The following SLC8A3 variants were observed in gnomAD, a reference collection of about 807,000 sequenced individuals.
SLC8A3 encodes solute carrier family 8 member A3, also known as sodium/calcium exchanger 3.
SLC8A3 carries 37 observed loss-of-function variants against 65.4 expected under a neutral mutation model. The ratio of observed to expected loss-of-function variants is 0.57; its 90% CI spans 0.44 to 0.74. The LOEUF is 0.74. Among genes scored for constraint, SLC8A3 ranks in the 30% least tolerant of loss-of-function variants. The probability of loss-of-function intolerance (pLI) is 0.00; values close to 1 mark genes in which losing one functional copy is unlikely to be tolerated. For synonymous variants in SLC8A3, 461 were observed against 444.5 expected (o/e 1.04, Z -0.47); for missense variants, 1,112 against 1,172.1 (o/e 0.95, Z 0.75).
Position 70,052,061 on chromosome 14 carries a change from C to T in SLC8A3, c.1942G>A (p.Glu648Lys). 6.2e-7 allele frequency: 1 copy of T among 1,612,222 alleles called. No homozygotes were observed. The change falls in exon 4 of 7, where the codon GAG (glutamate) becomes AAG (lysine). Residue 648 changes from glutamate (E) to lysine (K), a missense_variant. Coordinates refer to ENST00000356921, the MANE Select transcript of SLC8A3 (RefSeq NM_182932.3). ...MEEEEAKRIA[E>K]MGKPVLGEHP... Reference sequence around the variant, plus strand: ...TCACCCAATACTGGCTTTCCCATCTCTGCTATCCTCTTGGCCTCCTCTTCT... The same window carrying T: ...TCACCCAATACTGGCTTTCCCATCTTTGCTATCCTCTTGGCCTCCTCTTCT...
intron 1 of SLC8A3, among the ~76,000 whole-genome samples, chr14:70,170,747 T>G (rs981089349): frequency 1.3e-4 from 20 of 152,162 alleles, no homozygotes; most frequent in African/African-American, 4.8e-4. Context: ...ATTGTCCCCA[T>G]GAAGACCTCC....
chr14:70,164,849 G>T (rs1331060780), intron 2 of SLC8A3, among the ~76,000 whole-genome samples: 3 of 152,166 alleles, frequency 2.0e-5, no homozygotes, highest in Non-Finnish European at 2.9e-5. Context: ...TCCCAGTGAA[G>T]CCCTGTCCTT....
At chr14:70,050,854 A>G (rs367736117) in intron 5 of SLC8A3, among the ~76,000 whole-genome samples, 154 bp downstream of exon 5, 9 of 152,290 alleles carry the variant, frequency 5.9e-5, no homozygotes, top group East Asian at 5.8e-4. Context: ...CAGATACGCC[A>G]TGATTCTTTT....
intron 2 of SLC8A3, among the ~76,000 whole-genome samples, chr14:70,077,490 A>G (rs750579840): frequency 2.6e-5 from 4 of 152,170 alleles, no homozygotes; most frequent in Non-Finnish European, 4.4e-5. Context: ...TTAAACACGG[A>G]CAGGGCTTCC....
At chr14:70,114,447 T>C (rs1244345307) in intron 2 of SLC8A3, among the ~76,000 whole-genome samples, 3 of 152,190 alleles carry the variant, frequency 2.0e-5, no homozygotes, top group Admixed American at 6.5e-5. Context: ...AATAAAACTG[T>C]AGCTGCAAGA....
Position 70,052,013 on chromosome 14 carries a change from T to C in SLC8A3, c.1990A>G (p.Ile664Val). ...LGEHPKLEVI[I>V]EESYEFKTTV... ...ACCTTGAACTCATAGGACTCTTCAA[T>C]GATGACTTCTAGTTTGGGGTGTTCA... Residue 664 changes from isoleucine (I) to valine (V), a missense_variant, in exon 4 of 7, where the codon ATT becomes GTT. Coordinates refer to ENST00000356921, the MANE Select transcript of SLC8A3 (RefSeq NM_182932.3). 6.2e-7 allele frequency: 1 copy of C among 1,613,620 alleles called. No individual in the cohort carries two copies. The highest frequency in any genetic ancestry group is 8.5e-7 in the Non-Finnish European group (1 of 1,179,802).
intron 3 of SLC8A3, among the ~76,000 whole-genome samples, chr14:70,055,061 G>T (rs1887929992): frequency 6.6e-6 from 1 of 151,970 alleles, no homozygotes; most frequent in Non-Finnish European, 1.5e-5. Flanking sequence ...GTTTATGATT[G>T]GTTTCCACTC....
At chr14:70,074,705 C>A (rs550912130) in intron 2 of SLC8A3, among the ~76,000 whole-genome samples, 1 of 152,144 alleles carries the variant, frequency 6.6e-6, no homozygotes, top group African/African-American at 2.4e-5. Flanking sequence ...GTCAGAGGTG[C>A]AACATTTAAG....
chr14:70,130,968 C>G (rs1044230632), intron 2 of SLC8A3, among the ~76,000 whole-genome samples: 1 of 152,048 alleles, frequency 6.6e-6, no homozygotes, highest in Non-Finnish European at 1.5e-5. Flanking sequence ...AAATTGTGGA[C>G]CAAACTTGAG....
intron 2 of SLC8A3, among the ~76,000 whole-genome samples, chr14:70,075,703 TTC>T (rs1271016342): frequency 2.0e-5 from 3 of 152,208 alleles, no homozygotes; most frequent in Non-Finnish European, 4.4e-5. Context: ...TTATGGTCCA[TTC>T]TCTCCTCAGC....
intron 2 of SLC8A3, among the ~76,000 whole-genome samples, chr14:70,071,742 G>C (rs964623532): frequency 6.6e-6 from 1 of 152,180 alleles, no homozygotes; most frequent in African/African-American, 2.4e-5. Context: ...TAATAAATGG[G>C]TATTGCTTTA....
At chr14:70,110,708 T>C (rs1893239728) in intron 2 of SLC8A3, among the ~76,000 whole-genome samples, 1 of 125,750 alleles carries the variant, frequency 8.0e-6, no homozygotes, top group African/African-American at 3.0e-5. Flanking sequence ...TGAGACAGAG[T>C]CTCGCTCTTT....
intron 2 of SLC8A3, among the ~76,000 whole-genome samples, chr14:70,117,607 T>C (rs952888729): frequency 6.6e-6 from 1 of 152,232 alleles, no homozygotes; most frequent in African/African-American, 2.4e-5. Context: ...TAATTTTTTT[T>C]CTGTATTTTC....
chr14:70,134,133 A>T (rs1438349327), intron 2 of SLC8A3, among the ~76,000 whole-genome samples: 1 of 152,158 alleles, frequency 6.6e-6, no homozygotes, highest in Non-Finnish European at 1.5e-5. Context: ...TGATGCCAAG[A>T]CACTGCCTTT....
At chr14:70,149,190 C>T (rs941514002) in intron 2 of SLC8A3, among the ~76,000 whole-genome samples, 1 of 152,132 alleles carries the variant, frequency 6.6e-6, no homozygotes, top group Non-Finnish European at 1.5e-5. Flanking sequence ...CAGGAAACTG[C>T]CTTGCTTAGG....
chr14:70,128,953 A>C lies in SLC8A3; in HGVS notation c.1784+37686T>G, dbSNP rs535964421. On this transcript the variant is annotated intron_variant, in intron 2 of 6. Transcript: ENST00000356921. ...GGCCTCTGTTGTAGTTATGGGTATG[A>C]TAGCTGTTGTGGTGATAGCAGCAGG... Among the ~76,000 whole-genome samples, 12 of 152,314 alleles carry C rather than the reference A, an allele frequency of 7.9e-5. No individual in the cohort carries two copies. In the East Asian group the frequency reaches 1.9e-3, roughly 24 times the overall value.
At chr14:70,115,596 C>G (rs1893601196) in intron 2 of SLC8A3, among the ~76,000 whole-genome samples, 1 of 152,164 alleles carries the variant, frequency 6.6e-6, no homozygotes, top group South Asian at 2.1e-4. Context: ...CAGCCTGTGC[C>G]TGAGGAGAGG....
intron 2 of SLC8A3, among the ~76,000 whole-genome samples, chr14:70,062,627 C>T (rs543544653): frequency 3.9e-5 from 6 of 152,324 alleles, no homozygotes; most frequent in East Asian, 3.9e-4. Context: ...CTTAAGGACA[C>T]CTTCCTCAGA....
At chr14:70,121,566 TA>T (rs959326631) in intron 2 of SLC8A3, among the ~76,000 whole-genome samples, 11 of 152,236 alleles carry the variant, frequency 7.2e-5, no homozygotes, top group South Asian at 2.1e-4. Flanking sequence ...CAATTAGGCA[TA>T]AAAAAATCCA....
Sources: gnomAD v4.1 joint callset for allele counts (sites outside exome capture counted in the v4.1 genomes callset) on GRCh38, gnomAD v4.1.1 for gene constraint, MANE v1.5 for transcripts, NCBI Gene and HGNC (gene_info 2026-07-23, HGNC 2026-07-21) for gene names.